KLF5: variants seen among roughly 807,000 people sequenced by gnomAD.
KLF5 encodes the protein KLF transcription factor 5, also known as Krueppel-like factor 5.
A neutral mutation model predicts 36.9 loss-of-function variants in KLF5; 9 were observed. That is an observed-to-expected ratio of 0.24 (90% CI 0.15 to 0.43). The LOEUF (loss-of-function observed/expected upper bound fraction) is 0.43. Ranked by LOEUF, KLF5 falls within the 20% of genes least tolerant of loss-of-function variation. The pLI is 1.00. For missense variants in KLF5, 524 were observed against 599.5 expected, an observed-to-expected ratio of 0.87 and a Z score of 1.31; for synonymous variants, 246 against 241.7, an observed-to-expected ratio of 1.02 and a Z score of -0.17.
chr13:73,068,060 C>CG (rs1206127359), intron 3 of KLF5, among the ~76,000 whole-genome samples: 1 of 151,536 alleles, frequency 6.6e-6, no homozygotes, highest in Non-Finnish European at 1.5e-5. Context: ...AGGCTGGTCT[C>CG]GAACTCCTGA....
At chr13:73,057,130 C>T (rs181382341), upstream of KLF5, among the ~76,000 whole-genome samples, 1 of 152,208 alleles carries the variant, frequency 6.6e-6, no homozygotes. Flanking sequence ...TAAGATACAG[C>T]TACCGAATGT....
At chr13:73,063,000 A>C (rs977785960) in intron 2 of KLF5, among the ~76,000 whole-genome samples, 2 of 151,450 alleles carry the variant, frequency 1.3e-5, no homozygotes, top group Non-Finnish European at 2.9e-5. Context: ...AATATTCTGG[A>C]AAAAGTTCCC....
chr13:73,057,090 G>C (rs1445318889), upstream of KLF5, among the ~76,000 whole-genome samples: 3 of 152,024 alleles, frequency 2.0e-5, no homozygotes, highest in African/African-American at 7.2e-5. Context: ...AAAGACAAAA[G>C]GAAAGGTCTA....
intron 1 of KLF5, 92 bp downstream of exon 1, chr13:73,059,680 C>T (rs1286554477): frequency 9.2e-4 from 907 of 980,570 alleles, no homozygotes; most frequent in Non-Finnish European, 1.0e-3. Flanking sequence ...CCGCTCCAGG[C>T]TGGGGCGTGC....
At chr13:73,063,944 TTTAAAAGCTA>T in intron 3 of KLF5, 61 bp downstream of exon 3, 2 of 1,078,908 alleles carry the variant, frequency 1.9e-6, no homozygotes, top group Non-Finnish European at 2.8e-6. Flanking sequence ...TATTCATCCT[TTTAAAAGCTA>T]ACACGTGTTT....
At chr13:73,071,619 C>T (rs1009525596) in intron 3 of KLF5, among the ~76,000 whole-genome samples, 5 of 151,914 alleles carry the variant, frequency 3.3e-5, no homozygotes, top group Non-Finnish European at 5.9e-5. Context: ...ATTTTTCTCC[C>T]TTTTGATTTT....
intron 3 of KLF5, among the ~76,000 whole-genome samples, chr13:73,070,509 A>G (rs972139204): frequency 3.9e-5 from 6 of 152,222 alleles, no homozygotes; most frequent in Non-Finnish European, 8.8e-5. Context: ...GATAGTCTTC[A>G]TAATGTTTAC....
chr13:73,061,754 AG>A lies in KLF5; in HGVS notation c.262-106del. ...TAAGCAACACTGAGGAGTTTGCCCT[AG>A]TACCTTACACAGGGATTGGGGGAAT... On this transcript the variant is annotated intron_variant, in intron 1 of 3. Transcript: ENST00000377687. 1.2e-5 allele frequency: 12 copies of A among 994,414 alleles called. No individual in the cohort carries two copies. In the South Asian group the frequency reaches 1.7e-4, roughly 14 times the overall value. 61.6% of individuals were successfully genotyped at this position (994,414 alleles called of 1,614,324 possible). A position where few individuals can be genotyped will look rare whatever the true frequency, so the allele number is the denominator to read the frequency against.
rs766904510 is a variant in KLF5, at chr13:73,059,302, G to T, written c.-26G>T. 1.6e-5 allele frequency: 21 copies of T among 1,348,206 alleles called. No homozygotes were observed. In the South Asian group the frequency reaches 3.3e-4, roughly 21 times the overall value. The allele number at this position is 1,348,206 out of a possible 1,614,324, so 83.5% of individuals were successfully genotyped here. On this transcript the variant is annotated 5_prime_UTR_variant, in exon 1 of 4. Coordinates refer to ENST00000377687, the MANE Select transcript of KLF5 (RefSeq NM_001730.5). ...GAGGTGGGAAGTGCGCCCGACCCGC[G>T]CCTGGAGCTGCGCCCCCGAGTGCCC...
At position 73,075,896 on chromosome 13, in the gene KLF5, G is replaced by A. The variant is rs200706095; in HGVS notation, c.*10G>A. 39 of 1,542,504 alleles carry A rather than the reference G, an allele frequency of 2.5e-5. No individual in the cohort carries two copies. Among genetic ancestry groups the A allele is most frequent in the East Asian group, 2.1e-4 (9 of 43,266 alleles). On this transcript the variant is annotated 3_prime_UTR_variant, in exon 4 of 4. Coordinates refer to ENST00000377687, the MANE Select transcript of KLF5 (RefSeq NM_001730.5). The stretch of plus-strand genomic sequence containing the variant: ...GAGGCACCAGAACTGAGCACTGCCC[G>A]TGTGACCCGTTCCAGGTCCCCTGGG...
chr13:73,065,861 T>A (rs2044675503), intron 3 of KLF5, among the ~76,000 whole-genome samples: 1 of 152,248 alleles, frequency 6.6e-6, no homozygotes, highest in South Asian at 2.1e-4. Context: ...CATATCTGAA[T>A]AGCCTTTCAC....
Position 73,059,343 on chromosome 13 carries a change from C to T in KLF5, c.16C>T (p.Leu6=). The T allele has an allele frequency of 7.1e-7, 1 of 1,414,950 alleles. No homozygotes were observed. The highest frequency in any genetic ancestry group is 9.2e-7 in the Non-Finnish European group (1 of 1,086,808). The allele number at this position is 1,414,950 out of a possible 1,614,324, so 87.6% of individuals were successfully genotyped here. Reference sequence around the variant, plus strand: ...CCGAGTGCCCATGGCTACAAGGGTGCTGAGCATGAGCGCCCGCCTGGGACC... The same window carrying T: ...CCGAGTGCCCATGGCTACAAGGGTGTTGAGCATGAGCGCCCGCCTGGGACC... The part of the protein sequence containing the change: MATRV[L]SMSARLGPVP... The change falls in exon 1 of 4, where the codon CTG becomes TTG. Residue 6 remains leucine, a synonymous_variant. Transcript: ENST00000377687.
chr13:73,062,733 T>G lies in KLF5; in HGVS notation c.1134T>G (p.Pro378=), dbSNP rs139668497. ...EKRRIHYCDY[P]GCTKVYTKSS... ...GACGCATCCACTACTGCGATTACCC[T>G]GGTATGTGCTCTTACCTGGTTGAAG... is the stretch of plus-strand genomic sequence containing the variant. The change falls in exon 2 of 4, where the codon CCT becomes CCG. Residue 378 remains proline, a splice_region_variant and synonymous_variant. Transcript: ENST00000377687. The G allele has an allele frequency of 6.2e-7, 1 of 1,612,454 alleles. No individual in the cohort carries two copies. Among genetic ancestry groups the G allele is most frequent in the South Asian group, 1.1e-5 (1 of 90,974 alleles).
chr13:73,072,044 T>A (rs2044725846), intron 3 of KLF5, among the ~76,000 whole-genome samples: 1 of 152,250 alleles, frequency 6.6e-6, no homozygotes, highest in Non-Finnish European at 1.5e-5. Flanking sequence ...CAATAAACTT[T>A]TAAAACATTA....
At chr13:73,066,998 G>T (rs139949794) in intron 3 of KLF5, among the ~76,000 whole-genome samples, 1 of 152,062 alleles carries the variant, frequency 6.6e-6, no homozygotes, top group African/African-American at 2.4e-5. Context: ...GTGGATGTTC[G>T]CATGTATTAT....
chr13:73,063,682 A>C (rs954894024), intron 2 of KLF5, 142 bp from the exon 3 acceptor site: 3 of 620,062 alleles, frequency 4.8e-6, no homozygotes, highest in Non-Finnish European at 8.5e-6. Flanking sequence ...GGGCTCTTTA[A>C]AACTTTTAAA....
chr13:73,072,756 G>A (rs964823059), intron 3 of KLF5, among the ~76,000 whole-genome samples: 4 of 152,106 alleles, frequency 2.6e-5, no homozygotes, highest in African/African-American at 7.2e-5. Flanking sequence ...TCCTTTTACC[G>A]GTAATGTTTC....
At chr13:73,075,198 C>A (rs1015829640) in intron 3 of KLF5, 1 of 152,204 alleles carries the variant, frequency 6.6e-6, no homozygotes, top group African/African-American at 2.4e-5. Flanking sequence ...GGACCAGTTT[C>A]TGGTTAAGCA....
chr13:73,057,628 G>A (rs2044591121), upstream of KLF5, among the ~76,000 whole-genome samples: 1 of 152,120 alleles, frequency 6.6e-6, no homozygotes, highest in Non-Finnish European at 1.5e-5. Context: ...TTGAAAATGA[G>A]ATCCATACCT....
Sources: gnomAD v4.1 joint callset for allele counts (sites outside exome capture counted in the v4.1 genomes callset) on GRCh38, gnomAD v4.1.1 for gene constraint, MANE v1.5 for transcripts, NCBI Gene and HGNC (gene_info 2026-07-23, HGNC 2026-07-21) for gene names.